MCEE: variants seen among roughly 807,000 people sequenced by gnomAD.
MCEE encodes methylmalonyl-CoA epimerase, also known as methylmalonyl-CoA epimerase, mitochondrial.
In MCEE, 6 loss-of-function variants were observed where a neutral mutation model predicts 12.9. The ratio of observed to expected loss-of-function variants is 0.47; its 90% CI spans 0.26 to 0.92. The LOEUF (loss-of-function observed/expected upper bound fraction) is 0.92, where lower values mean the gene tolerates loss of function less well. Ranked by LOEUF, MCEE falls within the 40% of genes least tolerant of loss-of-function variation. The pLI, the probability that MCEE is intolerant of heterozygous loss-of-function variation, is 0.16. For synonymous variants in MCEE, 78 were observed against 77.9 expected (o/e 1.00, Z -0.01); for missense variants, 214 against 212.1 (o/e 1.01, Z -0.05).
At chr2:71,124,172 T>C in intron 2 of MCEE, 34 bp downstream of exon 2, 1 of 1,495,860 alleles carries the variant, frequency 6.7e-7, no homozygotes, top group African/African-American at 1.4e-5. Context: ...AAAAGAGAGA[T>C]TTAAAATACC....
intron 1 of MCEE, chr2:71,129,818 C>T (rs1386495812): frequency 2.7e-6 from 1 of 373,996 alleles, no homozygotes; most frequent in Non-Finnish European, 5.1e-6. Context: ...TCTCCCCAGT[C>T]TCTTTATTGG....
At chr2:71,122,481 C>G (rs1297540474) in intron 2 of MCEE, among the ~76,000 whole-genome samples, 1 of 152,142 alleles carries the variant, frequency 6.6e-6, no homozygotes, top group Non-Finnish European at 1.5e-5. Context: ...ACAAAAGAAA[C>G]AGGTTTAATG....
chr2:71,125,211 A>ATATATATATATATATATTTTTTTTTTTT lies in MCEE; in HGVS notation c.41-669_41-668insAAAAAAAAAAAATATATATATATATATA. ...TAAATATATATATATATATATATAT[A>ATATATATATATATATATTTTTTTTTTTT]TTTTTTTTTTTTTTTGAGACGGAGT... On this transcript the variant is annotated intron_variant, in intron 1 of 2. Coordinates refer to ENST00000244217, the MANE Select transcript of MCEE (RefSeq NM_032601.4). Among the ~76,000 whole-genome samples the ATATATATATATATATATTTTTTTTTTTT allele has an allele frequency of 1.1e-3, 51 of 48,526 alleles. 1 individual carries two copies. The highest frequency in any genetic ancestry group is 1.8e-3 in the Non-Finnish European group (40 of 22,652). 31.8% of individuals were successfully genotyped at this position (48,526 alleles called of 152,430 possible). A position where few individuals can be genotyped will look rare whatever the true frequency, so the allele number is the denominator to read the frequency against.
At chr2:71,121,593 G>C (rs1239912237) in intron 2 of MCEE, among the ~76,000 whole-genome samples, 1 of 151,990 alleles carries the variant, frequency 6.6e-6, no homozygotes, top group African/African-American at 2.4e-5. Flanking sequence ...TGCCATTACT[G>C]AACTTCCACT....
intron 1 of MCEE, 38 bp from the exon 2 acceptor site, chr2:71,124,581 G>T: frequency 1.4e-6 from 2 of 1,473,760 alleles, no homozygotes; most frequent in Non-Finnish European, 1.9e-6. Flanking sequence ...CTTCTTTTGA[G>T]AATTAACGCA....
chr2:71,110,200 A>G, intron 2 of MCEE, 78 bp from the exon 3 acceptor site: 1 of 1,306,386 alleles, frequency 7.7e-7, no homozygotes. Context: ...CTTAGAAAAA[A>G]CTTTGAGAGC....
At position 71,124,242 on chromosome 2, in the gene MCEE, T is replaced by G; in HGVS notation, c.342A>C (p.Lys114Asn). Residue 114 changes from lysine (K) to asparagine (N), a missense_variant, in exon 2 of 3, where the codon AAA (lysine) becomes AAC (asparagine). Coordinates refer to ENST00000244217, the MANE Select transcript of MCEE (RefSeq NM_032601.4). ...RDSPIAGFLQKNKAGGMHHIC... is the reference protein window; with the variant it reads ...RDSPIAGFLQNNKAGGMHHIC... ...TGTGATGCATTCCTCCAGCCTTGTT[T>G]TTCTGCAGAAAACCTGCAATTGGAC... is the stretch of plus-strand genomic sequence containing the variant. 1 of 1,614,100 alleles carries G rather than the reference T, an allele frequency of 6.2e-7. No individual in the cohort carries two copies. Among genetic ancestry groups the G allele is most frequent in the Non-Finnish European group, 8.5e-7 (1 of 1,179,936 alleles).
At chr2:71,112,121 C>T (rs1397635509) in intron 2 of MCEE, among the ~76,000 whole-genome samples, 3 of 152,070 alleles carry the variant, frequency 2.0e-5, no homozygotes, top group African/African-American at 2.4e-5. Context: ...TTCAGTTTGA[C>T]TATGGTGTGC....
intron 2 of MCEE, among the ~76,000 whole-genome samples, chr2:71,112,478 T>TA (rs1672908191): frequency 9.1e-6 from 1 of 109,494 alleles, no homozygotes; most frequent in Admixed American, 1.3e-4. Flanking sequence ...CTCTGTCACC[T>TA]AGGCTGGAGT....
At chr2:71,124,184 G>A (rs779605190) in intron 2 of MCEE, 22 bp downstream of exon 2, 8 of 1,535,624 alleles carry the variant, frequency 5.2e-6, no homozygotes, top group Non-Finnish European at 7.2e-6. Context: ...TAAAATACCA[G>A]GCATTAAAAT....
intron 1 of MCEE, among the ~76,000 whole-genome samples, chr2:71,125,270 G>C (rs1385596910): frequency 7.0e-6 from 1 of 141,934 alleles, no homozygotes; most frequent in Admixed American, 7.3e-5. Context: ...GTGAAGTGGC[G>C]CGATCTGGGC....
chr2:71,118,689 C>T (rs1178507135), intron 2 of MCEE, among the ~76,000 whole-genome samples: 2 of 149,906 alleles, frequency 1.3e-5, no homozygotes, highest in Non-Finnish European at 2.9e-5. Context: ...AGGCCTACTG[C>T]TCATGAATGA....
intron 1 of MCEE, among the ~76,000 whole-genome samples, 173 bp from the exon 2 acceptor site, chr2:71,124,716 C>T (rs762992481): frequency 2.6e-5 from 4 of 152,094 alleles, no homozygotes; most frequent in Non-Finnish European, 5.9e-5. Flanking sequence ...ATCAGAATTA[C>T]TCTGCTCTGC....
chr2:71,124,132 A>C, intron 2 of MCEE, 74 bp downstream of exon 2: 1 of 1,153,624 alleles, frequency 8.7e-7, no homozygotes, highest in Non-Finnish European at 1.3e-6. Flanking sequence ...AGTGACCATA[A>C]ATAGACTTAA....
In MCEE at chr2:71,126,821, T is replaced by A. The variant is rs10183106; in HGVS notation, c.41-2278A>T. Among the ~76,000 whole-genome samples the A allele has an allele frequency of 3.3e-3, 503 of 152,320 alleles. 4 individuals are homozygous for A. Among genetic ancestry groups the A allele is most frequent in the African/African-American group, 0.01 (424 of 41,566 alleles). ...TAATAGAAACGGTGTATCTTTAAGG[T>A]ATACAATGTGATGTTTTAATAAATG... On this transcript the variant is annotated intron_variant, in intron 1 of 2. Coordinates refer to ENST00000244217, the MANE Select transcript of MCEE (RefSeq NM_032601.4).
chr2:71,130,012 CT>C (rs1371371872), intron 1 of MCEE, 167 bp downstream of exon 1: 2 of 720,552 alleles, frequency 2.8e-6, no homozygotes, highest in Non-Finnish European at 5.0e-6. Flanking sequence ...AGCGGTGGCG[CT>C]TCTGGAAGGC....
chr2:71,112,322 A>G (rs1361851763), intron 2 of MCEE, among the ~76,000 whole-genome samples: 3 of 151,296 alleles, frequency 2.0e-5, no homozygotes, highest in Non-Finnish European at 4.4e-5. Context: ...TTTTTAGTAG[A>G]GAAGGGGTTT....
intron 2 of MCEE, among the ~76,000 whole-genome samples, chr2:71,113,677 T>G (rs1450327398): frequency 6.6e-6 from 1 of 152,144 alleles, no homozygotes; most frequent in Non-Finnish European, 1.5e-5. Flanking sequence ...AAAAAAGTAG[T>G]ATTAGATTGT....
chr2:71,115,435 C>T (rs1672972265), intron 2 of MCEE, among the ~76,000 whole-genome samples: 1 of 140,604 alleles, frequency 7.1e-6, no homozygotes, highest in South Asian at 2.1e-4. Context: ...ACTTCTACTT[C>T]TGTTACTATT....
Sources: allele counts gnomAD v4.1 joint callset (sites outside exome capture counted in the v4.1 genomes callset), GRCh38; gene constraint gnomAD v4.1.1; transcripts MANE v1.5; gene names NCBI Gene and HGNC (gene_info 2026-07-23, HGNC 2026-07-21).